PACRG: variants seen among roughly 807,000 people sequenced by gnomAD.
The protein encoded by PACRG is parkin coregulated.
PACRG carries 29 observed loss-of-function variants against 29.7 expected under a neutral mutation model. The ratio of observed to expected loss-of-function variants is 0.98; its 90% CI spans 0.73 to 1.33. The LOEUF (loss-of-function observed/expected upper bound fraction) is 1.33. Among genes scored for constraint, PACRG ranks in the 40% most tolerant of loss-of-function variants. The pLI, the probability that PACRG is intolerant of heterozygous loss-of-function variation, is 0.00. For missense variants in PACRG, 279 were observed against 316.2 expected (o/e 0.88, Z 0.89); for synonymous variants, 116 against 118.7 (o/e 0.98, Z 0.15).
chr6:162,779,411 A>G (rs1344630532), intron 1 of PACRG, among the ~76,000 whole-genome samples: 1 of 152,206 alleles, frequency 6.6e-6, no homozygotes, highest in Non-Finnish European at 1.5e-5. Flanking sequence ...CAAGAAATCC[A>G]CAGAAAACAT....
intron 4 of PACRG, among the ~76,000 whole-genome samples, chr6:163,282,611 C>G (rs1018680346): frequency 1.3e-5 from 2 of 151,204 alleles, no homozygotes; most frequent in Non-Finnish European, 2.9e-5. Flanking sequence ...ACTTGGGAAG[C>G]TGAGGCAGGA....
intron 2 of PACRG, among the ~76,000 whole-genome samples, chr6:163,019,543 C>G (rs1324946896): frequency 6.6e-6 from 1 of 152,096 alleles, no homozygotes; most frequent in Admixed American, 6.5e-5. Flanking sequence ...CACCCGTGAA[C>G]TGGAGCGTGC....
chr6:163,106,145 A>G (rs1270522508), intron 4 of PACRG, among the ~76,000 whole-genome samples: 2 of 152,168 alleles, frequency 1.3e-5, no homozygotes, highest in African/African-American at 4.8e-5. Context: ...AAATGAATGC[A>G]GAGAGATAAA....
At chr6:163,093,060 G>A (rs886459466) in intron 4 of PACRG, among the ~76,000 whole-genome samples, 2 of 152,224 alleles carry the variant, frequency 1.3e-5, no homozygotes, top group African/African-American at 4.8e-5. Context: ...GGCCAAATAA[G>A]TGAAAGACTC....
chr6:162,879,560 T>A (rs763371558), intron 2 of PACRG, among the ~76,000 whole-genome samples: 2 of 152,236 alleles, frequency 1.3e-5, no homozygotes, highest in Non-Finnish European at 2.9e-5. Context: ...TACAGATTTT[T>A]AAATCAATCC....
At chr6:162,935,978 G>A (rs1012379221) in intron 2 of PACRG, among the ~76,000 whole-genome samples, 1 of 152,156 alleles carries the variant, frequency 6.6e-6, no homozygotes. Context: ...TGCTGATGAA[G>A]ACATACCCAA....
intron 2 of PACRG, among the ~76,000 whole-genome samples, chr6:163,026,103 T>C (rs1039287846): frequency 1.3e-5 from 2 of 152,190 alleles, no homozygotes; most frequent in Non-Finnish European, 2.9e-5. Flanking sequence ...TATAAGACTA[T>C]AGTAACCATT....
chr6:162,927,587 G>A (rs770813749), intron 2 of PACRG, among the ~76,000 whole-genome samples: 5 of 152,068 alleles, frequency 3.3e-5, no homozygotes, highest in Non-Finnish European at 7.4e-5. Context: ...TCACTCATGA[G>A]TCGGAGCTGA....
At chr6:162,734,979 AT>A (rs1780053560) in intron 1 of PACRG, among the ~76,000 whole-genome samples, 1 of 152,230 alleles carries the variant, frequency 6.6e-6, no homozygotes. Context: ...TATACATGGA[AT>A]CATAAAGTAT....
chr6:162,781,182 A>G (rs1020012440), intron 1 of PACRG, among the ~76,000 whole-genome samples: 4 of 152,080 alleles, frequency 2.6e-5, no homozygotes, highest in Admixed American at 6.5e-5. Context: ...GATGAAACCT[A>G]TGACACCTTG....
At chr6:162,755,878 T>A (rs1441471155) in intron 1 of PACRG, among the ~76,000 whole-genome samples, 6 of 152,224 alleles carry the variant, frequency 3.9e-5, no homozygotes, top group Admixed American at 3.3e-4. Flanking sequence ...TTTTTTTTAA[T>A]TTCCTTTTTT....
intron 3 of PACRG, among the ~76,000 whole-genome samples, chr6:163,087,910 G>A (rs1249719208): frequency 6.6e-6 from 1 of 152,134 alleles, no homozygotes; most frequent in Admixed American, 6.5e-5. Flanking sequence ...GGATGGAGAG[G>A]GAGACACAAA....
chr6:162,972,525 C>T (rs774293289), intron 2 of PACRG, among the ~76,000 whole-genome samples: 3 of 152,168 alleles, frequency 2.0e-5, no homozygotes, highest in Non-Finnish European at 2.9e-5. Flanking sequence ...ACCACATTGA[C>T]CGAGCTTCAT....
chr6:162,814,272 C>T lies in PACRG; in HGVS notation c.282C>T (p.Ile94=), dbSNP rs76289683. ...ALEHDSKGNK[I]AWKVEIEKLD... Reference sequence around the variant, plus strand: ...AGCATGATTCGAAAGGAAACAAAATCGCCTGGAAGGTAAGTCAGGGCACAG... The same window carrying T: ...AGCATGATTCGAAAGGAAACAAAATTGCCTGGAAGGTAAGTCAGGGCACAG... Residue 94 remains isoleucine (I), a synonymous_variant, in exon 2 of 5, where the codon ATC becomes ATT. Coordinates refer to ENST00000366888, the MANE Select transcript of PACRG (RefSeq NM_001080379.2). The T allele has an allele frequency of 3.2e-5, 52 of 1,613,602 alleles. No homozygotes were observed. The East Asian group carries it at 3.3e-4, about 10-fold the overall frequency.
At chr6:162,972,652 A>G (rs2128160987) in intron 2 of PACRG, among the ~76,000 whole-genome samples, 1 of 152,308 alleles carries the variant, frequency 6.6e-6, no homozygotes, top group East Asian at 1.9e-4. Flanking sequence ...CACTCATTGA[A>G]GTGAAAGCAT....
At chr6:163,002,871 T>G (rs1264796544) in intron 2 of PACRG, among the ~76,000 whole-genome samples, 2 of 152,208 alleles carry the variant, frequency 1.3e-5, no homozygotes, top group Non-Finnish European at 2.9e-5. Context: ...TAACCCTGAG[T>G]CCTAAAGGCT....
chr6:162,945,808 C>A (rs1798960225), intron 2 of PACRG, among the ~76,000 whole-genome samples: 1 of 151,978 alleles, frequency 6.6e-6, no homozygotes, highest in African/African-American at 2.4e-5. Flanking sequence ...TTTTCTTAGA[C>A]CACAATGAAA....
At chr6:162,778,453 T>C (rs533421691) in intron 1 of PACRG, among the ~76,000 whole-genome samples, 8 of 152,338 alleles carry the variant, frequency 5.3e-5, no homozygotes, top group East Asian at 1.9e-4. Flanking sequence ...TCAGGGGCTA[T>C]ACTAGGTGTT....
chr6:163,106,291 G>T (rs907021796), intron 4 of PACRG, among the ~76,000 whole-genome samples: 3 of 152,122 alleles, frequency 2.0e-5, no homozygotes, highest in Admixed American at 6.5e-5. Context: ...ACCTAATGGG[G>T]TATTTAATTA....
Sources: allele counts gnomAD v4.1 joint callset (sites outside exome capture counted in the v4.1 genomes callset), GRCh38; gene constraint gnomAD v4.1.1; transcripts MANE v1.5; gene names NCBI Gene and HGNC (gene_info 2026-07-23, HGNC 2026-07-21).